The following SLC5A12 variants were observed in gnomAD, a reference collection of about 807,000 sequenced individuals.
SLC5A12 encodes the protein solute carrier family 5 member 12.
A neutral mutation model predicts 72.7 loss-of-function variants in SLC5A12; 46 were observed. The observed-to-expected ratio is 0.63, with a 90% confidence interval of 0.50 to 0.81. The LOEUF is 0.81. SLC5A12 is among the 30% of genes least tolerant of loss of function. The pLI is 0.00. For synonymous variants in SLC5A12, 275 were observed against 264.4 expected (o/e 1.04, Z -0.39); for missense variants, 683 against 740.7 (o/e 0.92, Z 0.90).
At chr11:26,690,471 G>A (rs1487780195) in intron 9 of SLC5A12, among the ~76,000 whole-genome samples, 1 of 151,468 alleles carries the variant, frequency 6.6e-6, no homozygotes, top group Non-Finnish European at 1.5e-5. Flanking sequence ...TTTTAAAACT[G>A]AGGAATATTT....
At chr11:26,697,931 C>T (rs1341023360) in intron 7 of SLC5A12, among the ~76,000 whole-genome samples, 2 of 124,452 alleles carry the variant, frequency 1.6e-5, no homozygotes, top group African/African-American at 5.9e-5. Flanking sequence ...GAGTCTCACT[C>T]TTGTCGCCCA....
chr11:26,704,020 C>T (rs1025504660), intron 4 of SLC5A12, 73 bp from the exon 5 acceptor site: 23 of 1,498,882 alleles, frequency 1.5e-5, no homozygotes, highest in Middle Eastern at 3.5e-4. Flanking sequence ...AGCCTCTCTG[C>T]TAATGCATGC....
At chr11:26,698,274 G>A (rs1854873937) in intron 7 of SLC5A12, 132 bp downstream of exon 7, 2 of 1,211,060 alleles carry the variant, frequency 1.7e-6, no homozygotes, top group African/African-American at 3.1e-5. Context: ...AGAGAAGAAA[G>A]AAACCAACTT....
At chr11:26,678,263 G>A (rs1854309284) in intron 13 of SLC5A12, among the ~76,000 whole-genome samples, 2 of 152,178 alleles carry the variant, frequency 1.3e-5, no homozygotes, top group South Asian at 4.1e-4. Flanking sequence ...CTTATTTACT[G>A]ATTGTTATAT....
In SLC5A12 at chr11:26,717,685, A is replaced by T. The variant is rs118143069; in HGVS notation, c.339+3691T>A. On this transcript the variant is annotated intron_variant, in intron 1 of 14. Coordinates refer to ENST00000396005, the MANE Select transcript of SLC5A12 (RefSeq NM_178498.4). ...CAAACTCATTGGCTCAAAAACCAAA[A>T]ATTTATTATTTCTCATAACTCTGAG... 1.5e-3 allele frequency among the ~76,000 whole-genome samples: 233 copies of T among 152,218 alleles called. 6 individuals carry two copies. In the East Asian group the frequency reaches 0.029, roughly 19 times the overall value.
chr11:26,680,379 ATATGTATATATATT>A (rs1854378290), intron 12 of SLC5A12, among the ~76,000 whole-genome samples: 9 of 109,744 alleles, frequency 8.2e-5, no homozygotes, highest in African/African-American at 2.6e-4. Flanking sequence ...ATTCATATAT[ATATGTATATATATT>A]CATATATATA....
intron 9 of SLC5A12, among the ~76,000 whole-genome samples, chr11:26,691,387 T>C (rs539030693): frequency 1.3e-5 from 2 of 152,284 alleles, no homozygotes; most frequent in South Asian, 2.1e-4. Flanking sequence ...ATTTGTATTA[T>C]TTAACCTGGT....
intron 1 of SLC5A12, among the ~76,000 whole-genome samples, chr11:26,721,012 T>C (rs1855466658): frequency 6.6e-6 from 1 of 152,192 alleles, no homozygotes; most frequent in Non-Finnish European, 1.5e-5. Flanking sequence ...GCTGGAAAAT[T>C]GCCGTACTCA....
At chr11:26,671,590 G>A (rs1191621138) in intron 14 of SLC5A12, among the ~76,000 whole-genome samples, 1 of 152,090 alleles carries the variant, frequency 6.6e-6, no homozygotes, top group African/African-American at 2.4e-5. Flanking sequence ...CTCATATGGG[G>A]ATGGCCCCCT....
intron 2 of SLC5A12, 63 bp downstream of exon 2, chr11:26,712,578 A>C: frequency 7.7e-7 from 1 of 1,298,936 alleles, no homozygotes; most frequent in Non-Finnish European, 1.1e-6. Context: ...TGCCCCCAAA[A>C]TAAACAAACC....
chr11:26,710,079 C>T (rs1460349687), intron 3 of SLC5A12, among the ~76,000 whole-genome samples: 1 of 152,042 alleles, frequency 6.6e-6, no homozygotes, highest in Non-Finnish European at 1.5e-5. Flanking sequence ...CATGTGTTCT[C>T]TTTGTTCAAC....
chr11:26,718,032 TG>T (rs1855392026), intron 1 of SLC5A12, among the ~76,000 whole-genome samples: 1 of 152,156 alleles, frequency 6.6e-6, no homozygotes, highest in South Asian at 2.1e-4. Flanking sequence ...GTCACAAAAC[TG>T]GCCAAAGTTC....
chr11:26,680,806 T>C (rs978565107), intron 12 of SLC5A12, among the ~76,000 whole-genome samples: 1 of 152,112 alleles, frequency 6.6e-6, no homozygotes, highest in African/African-American at 2.4e-5. Context: ...CACTATTTTT[T>C]CTCTTTTGTA....
Position 26,709,309 on chromosome 11 carries a change from T to C in SLC5A12, c.525+3A>G, listed in dbSNP as rs1182933037. 1 of 1,608,164 alleles carries C rather than the reference T, an allele frequency of 6.2e-7. No individual in the cohort carries two copies. The highest frequency in any genetic ancestry group is 8.5e-7 in the Non-Finnish European group (1 of 1,176,112). On this transcript the variant is annotated splice_donor_region_variant and intron_variant, in intron 4 of 14. Transcript: ENST00000396005. ...AAATACTTCTTCACAGCTAGATACA[T>C]ACCAGGGTACAGTAGAATGTGCAAA...
At chr11:26,702,082 G>A (rs1169649573) in intron 6 of SLC5A12, among the ~76,000 whole-genome samples, 1 of 151,980 alleles carries the variant, frequency 6.6e-6, no homozygotes, top group African/African-American at 2.4e-5. Context: ...CTCTTTACAG[G>A]TACAGCCAAC....
intron 13 of SLC5A12, among the ~76,000 whole-genome samples, chr11:26,675,631 A>T (rs991814937): frequency 1.3e-5 from 2 of 152,154 alleles, no homozygotes; most frequent in African/African-American, 4.8e-5. Flanking sequence ...TTATAGAGGA[A>T]ATGTCTCTAG....
At chr11:26,678,360 A>T (rs1854311854) in intron 13 of SLC5A12, among the ~76,000 whole-genome samples, 1 of 151,746 alleles carries the variant, frequency 6.6e-6, no homozygotes, top group African/African-American at 2.4e-5. Context: ...GTTTGAATAT[A>T]TGTTTTTTTG....
intron 10 of SLC5A12, among the ~76,000 whole-genome samples, 185 bp from the exon 11 acceptor site, chr11:26,684,028 ATG>A (rs145705590): frequency 0.016 from 2,356 of 147,810 alleles, 66 homozygotes; most frequent in African/African-American, 0.054. Flanking sequence ...GTATTTATGT[ATG>A]TGTGTGTGTG....
intron 6 of SLC5A12, among the ~76,000 whole-genome samples, chr11:26,702,451 A>T (rs115707469): frequency 0.024 from 3,713 of 152,256 alleles, 70 homozygotes; most frequent in East Asian, 0.072. Flanking sequence ...ATTCATAGTG[A>T]CTGTTTCTCC....
Sources: gnomAD v4.1 joint callset for allele counts (sites outside exome capture counted in the v4.1 genomes callset) on GRCh38, gnomAD v4.1.1 for gene constraint, MANE v1.5 for transcripts, NCBI Gene and HGNC (gene_info 2026-07-23, HGNC 2026-07-21) for gene names.